EPB41L3: variants seen among roughly 807,000 people sequenced by gnomAD.
The protein encoded by EPB41L3 is band 4.1-like protein 3.
In EPB41L3, 57 loss-of-function variants were observed where a neutral mutation model predicts 127.1. The observed-to-expected ratio is 0.45, with a 90% CI of 0.36 to 0.56. The LOEUF (loss-of-function observed/expected upper bound fraction) is 0.56, where lower values mean the gene tolerates loss of function less well. EPB41L3 is among the 20% of genes least tolerant of loss of function. The pLI, the probability that EPB41L3 is intolerant of heterozygous loss-of-function variation, is 0.00. For synonymous variants in EPB41L3, 572 were observed against 549.5 expected, an observed-to-expected ratio of 1.04 and a Z score of -0.57; for missense variants, 1,273 against 1,372.2, an observed-to-expected ratio of 0.93 and a Z score of 1.14.
At chr18:5,516,806 C>G (rs976743869) in intron 1 of EPB41L3, among the ~76,000 whole-genome samples, 1 of 152,116 alleles carries the variant, frequency 6.6e-6, no homozygotes, top group African/African-American at 2.4e-5. Context: ...CTGATCAGAA[C>G]AGTTAAAACC....
chr18:5,494,522 C>T (rs2090953546), intron 1 of EPB41L3, among the ~76,000 whole-genome samples: 1 of 151,912 alleles, frequency 6.6e-6, no homozygotes, highest in African/African-American at 2.4e-5. Context: ...GCTGTGTATG[C>T]GGTGGGCACC....
At chr18:5,629,754 G>A (rs1156616134), upstream of EPB41L3, among the ~76,000 whole-genome samples, 1 of 152,118 alleles carries the variant, frequency 6.6e-6, no homozygotes, top group African/African-American at 2.4e-5. Flanking sequence ...CAAAGAACTG[G>A]CCAGCCCCAC....
In EPB41L3 at chr18:5,543,056, C is replaced by A. The variant is rs1039531764; in HGVS notation, c.-12+857G>T. 6.6e-6 allele frequency among the ~76,000 whole-genome samples: 1 copy of A among 151,940 alleles called. No individual in the cohort carries two copies. Among genetic ancestry groups the A allele is most frequent in the Non-Finnish European group, 1.5e-5 (1 of 67,940 alleles). ...GAGGAGAATCGCGGCCCCGAGGGCG[C>A]CAGGTGAGTCGCGCCGCCCCGAGCC... On this transcript the variant is annotated intron_variant, in intron 1 of 22. Transcript: ENST00000341928. This position sits in a 1 kb window ranked among gnomAD's most constrained non-coding sequence, Gnocchi z 5.2.
intron 1 of EPB41L3, among the ~76,000 whole-genome samples, chr18:5,507,599 C>T (rs529290155): frequency 2.6e-5 from 4 of 152,234 alleles, no homozygotes; most frequent in Admixed American, 6.5e-5. Flanking sequence ...AAATACCTAA[C>T]CTTAACATTG....
upstream of EPB41L3, among the ~76,000 whole-genome samples, chr18:5,544,643 C>T (rs1253144544): frequency 2.6e-5 from 4 of 152,132 alleles, no homozygotes; most frequent in African/African-American, 9.7e-5. Flanking sequence ...GGTCATCTCA[C>T]AATATCTTAA....
At chr18:5,468,653 C>T (rs536999563) in intron 3 of EPB41L3, among the ~76,000 whole-genome samples, 1 of 152,326 alleles carries the variant, frequency 6.6e-6, no homozygotes, top group African/African-American at 2.4e-5. Context: ...ATTGGGATAA[C>T]CTGCCTGTGA....
intron 3 of EPB41L3, among the ~76,000 whole-genome samples, chr18:5,474,302 A>G (rs2086740895): frequency 6.6e-6 from 1 of 152,146 alleles, no homozygotes; most frequent in South Asian, 2.1e-4. Flanking sequence ...GCTAGAAGGA[A>G]GTTAGAGAAA....
chr18:5,619,954 G>C (rs2094841635), intron 1 of EPB41L3, among the ~76,000 whole-genome samples: 1 of 152,076 alleles, frequency 6.6e-6, no homozygotes, highest in African/African-American at 2.4e-5. Flanking sequence ...ATTATCCAGA[G>C]ATGAAAAACT....
chr18:5,445,316 C>A (rs1187731598), intron 3 of EPB41L3, 72 bp from the exon 4 acceptor site: 4 of 1,201,790 alleles, frequency 3.3e-6, no homozygotes, highest in African/African-American at 1.5e-5. Flanking sequence ...AGAGATAAAA[C>A]CAGGTAATAT....
At chr18:5,453,815 G>A (rs1229465267) in intron 3 of EPB41L3, among the ~76,000 whole-genome samples, 21 of 152,130 alleles carry the variant, frequency 1.4e-4, no homozygotes, top group Non-Finnish European at 2.6e-4. Context: ...CGATCTATGT[G>A]TCTAAGAAGT....
intron 19 of EPB41L3, 99 bp from the exon 20 acceptor site, chr18:5,395,806 C>T (rs2143668736): frequency 6.0e-6 from 5 of 840,000 alleles, no homozygotes; most frequent in Non-Finnish European, 9.8e-6. Flanking sequence ...TTCACTATCT[C>T]CTATTATGCA....
In EPB41L3 at chr18:5,584,148, C is replaced by A. The variant is rs138112632; in HGVS notation, c.-306+28192G>T. Reference sequence around the variant, plus strand: ...TTCTCCAACATGTTTCTGACCTGGGCTCCACCTTTGATGTATGGGTTCTCT... The same window carrying A: ...TTCTCCAACATGTTTCTGACCTGGGATCCACCTTTGATGTATGGGTTCTCT... On this transcript the variant is annotated intron_variant, in intron 3 of 21. Transcript: ENST00000545076. Among the ~76,000 whole-genome samples the A allele has an allele frequency of 3.9e-5, 6 of 152,262 alleles. No homozygotes were observed. The East Asian group carries it at 1.2e-3, about 29-fold the overall frequency.
intron 1 of EPB41L3, among the ~76,000 whole-genome samples, chr18:5,506,287 T>C (rs1230041017): frequency 1.3e-5 from 2 of 152,156 alleles, no homozygotes; most frequent in Non-Finnish European, 2.9e-5. Context: ...GCATTTCCCT[T>C]AGAGTAAGCT....
intron 3 of EPB41L3, among the ~76,000 whole-genome samples, chr18:5,447,513 T>C (rs2081659060): frequency 6.6e-6 from 1 of 150,742 alleles, no homozygotes; most frequent in Non-Finnish European, 1.5e-5. Context: ...TATCAGTGTC[T>C]GGCCAAATAC....
At position 5,419,884 on chromosome 18, in the gene EPB41L3, C is replaced by T; in HGVS notation, c.1340-7G>A. 1 of 1,614,182 alleles carries T rather than the reference C, an allele frequency of 6.2e-7. No homozygotes were observed. On this transcript the variant is annotated splice_polypyrimidine_tract_variant and splice_region_variant and intron_variant, in intron 11 of 22. Transcript: ENST00000341928. The stretch of plus-strand genomic sequence containing the variant: ...TACTGGCCAGTACCAACCTCTGCAG[C>T]AGACATAGAATCCTTCATGTATATT...
rs1314452945 is a variant in EPB41L3, at chr18:5,416,004, G to C, written c.1881C>G (p.Ile627Met). The C allele has an allele frequency of 6.2e-7, 1 of 1,614,012 alleles. No individual in the cohort carries two copies. Among genetic ancestry groups the C allele is most frequent in the Non-Finnish European group, 8.5e-7 (1 of 1,180,014 alleles). Residue 627 changes from isoleucine (I) to methionine (M), a missense_variant, in exon 13 of 23, where the codon ATC (isoleucine) becomes ATG (methionine). Around this residue, in one of 3 missense-constraint regions of EPB41L3, gnomAD observed 765 missense variants for 782.9 expected, o/e 0.98. Transcript: ENST00000341928. ...AACAGGGCACAAGGGACGGTGAGCG[G>C]ATCGGGAGGTAATGCTGCAAGCTCT... ...LPQSLQHYLP[I>M]RSPSLVPCFL...
In EPB41L3 at chr18:5,419,741, C is replaced by T. The variant is rs564908934; in HGVS notation, c.1476G>A (p.Thr492=). 10 of 1,614,160 alleles carry T rather than the reference C, an allele frequency of 6.2e-6. No individual in the cohort carries two copies. The highest frequency in any genetic ancestry group is 2.2e-5 in the East Asian group (1 of 44,874). The stretch of plus-strand genomic sequence containing the variant: ...CCTCGTGCCGGATGGCCGAGATGGG[C>T]GTGACTTCTTCCCCCTTCCTCCGTT... ...EDKRRKGEEV[T]PISAIRHEGK... The change falls in exon 12 of 23, where the codon ACG becomes ACA. Residue 492 remains threonine (T), a synonymous_variant. Transcript: ENST00000341928.
chr18:5,409,818 C>A (rs2144248013), intron 14 of EPB41L3, among the ~76,000 whole-genome samples: 1 of 151,788 alleles, frequency 6.6e-6, no homozygotes, highest in East Asian at 1.9e-4. Flanking sequence ...TCTTGACTTC[C>A]ATTAGTACAG....
intron 4 of EPB41L3, among the ~76,000 whole-genome samples, chr18:5,444,744 T>C (rs369075424): frequency 6.6e-6 from 1 of 152,318 alleles, no homozygotes; most frequent in East Asian, 1.9e-4. Flanking sequence ...GTTACAATCA[T>C]AATATCGTCA....
Sources: allele counts gnomAD v4.1 joint callset (sites outside exome capture counted in the v4.1 genomes callset), GRCh38; gene constraint gnomAD v4.1.1; regional missense constraint gnomAD v4.1.1; non-coding constraint Gnocchi (gnomAD v3.1); transcripts MANE v1.5; gene names NCBI Gene and HGNC (gene_info 2026-07-23, HGNC 2026-07-21).